Variants in NEGR1 observed in about 807,000 individuals in gnomAD.
NEGR1 encodes neuronal growth regulator 1.
NEGR1 carries 10 observed loss-of-function variants against 40.9 expected under a neutral mutation model. That is an observed-to-expected ratio of 0.24 (90% CI 0.15 to 0.42). The LOEUF (loss-of-function observed/expected upper bound fraction) is 0.42, where lower values mean the gene tolerates loss of function less well. NEGR1 is among the 10% of genes least tolerant of loss of function. The pLI, the probability that NEGR1 is intolerant of heterozygous loss-of-function variation, is 1.00. For missense variants in NEGR1, 352 were observed against 438.9 expected, an observed-to-expected ratio of 0.80 and a Z score of 1.77; for synonymous variants, 185 against 166.8, an observed-to-expected ratio of 1.11 and a Z score of -0.84.
At chr1:72,158,050 C>A (rs1304988771) in intron 1 of NEGR1, among the ~76,000 whole-genome samples, 1 of 152,082 alleles carries the variant, frequency 6.6e-6, no homozygotes, top group Non-Finnish European at 1.5e-5. Flanking sequence ...TAATACAGGT[C>A]TATATGGGAA....
At chr1:71,757,593 G>T (rs1194164922) in intron 3 of NEGR1, among the ~76,000 whole-genome samples, 1 of 151,984 alleles carries the variant, frequency 6.6e-6, no homozygotes, top group Non-Finnish European at 1.5e-5. Flanking sequence ...AGCACAGAAT[G>T]AAACCAGATA....
intron 6 of NEGR1, among the ~76,000 whole-genome samples, chr1:71,440,979 A>G (rs1646543238): frequency 6.6e-6 from 1 of 152,206 alleles, no homozygotes; most frequent in African/African-American, 2.4e-5. Context: ...AGGATAAAGC[A>G]ATCAATTAAA....
At chr1:72,182,804 G>A (rs964349851) in intron 1 of NEGR1, among the ~76,000 whole-genome samples, 2 of 143,584 alleles carry the variant, frequency 1.4e-5, no homozygotes, top group African/African-American at 5.2e-5. Context: ...ATATATGTTT[G>A]TATGTGTATA....
At chr1:71,689,573 T>A (rs1410682465) in intron 4 of NEGR1, among the ~76,000 whole-genome samples, 1 of 152,074 alleles carries the variant, frequency 6.6e-6, no homozygotes, top group Non-Finnish European at 1.5e-5. Flanking sequence ...GCTCATTGAT[T>A]TATAGGTAAA....
At chr1:71,736,468 G>T (rs1655044761) in intron 3 of NEGR1, among the ~76,000 whole-genome samples, 2 of 151,844 alleles carry the variant, frequency 1.3e-5, no homozygotes, top group African/African-American at 4.8e-5. Flanking sequence ...CCCTAAGTTC[G>T]AGCAGCAATC....
At chr1:71,613,643 G>A (rs1464886181) in intron 4 of NEGR1, among the ~76,000 whole-genome samples, 11 of 145,310 alleles carry the variant, frequency 7.6e-5, no homozygotes, top group African/African-American at 2.8e-4. Context: ...CAACCAAAGC[G>A]AAACTCCATC....
intron 1 of NEGR1, among the ~76,000 whole-genome samples, chr1:72,008,290 T>A: frequency 6.6e-6 from 1 of 152,094 alleles, no homozygotes; most frequent in Non-Finnish European, 1.5e-5. Context: ...GCAGCTCTAA[T>A]CCAGACATCT....
At chr1:72,266,440 A>G (rs1477715267) in intron 1 of NEGR1, among the ~76,000 whole-genome samples, 1 of 150,848 alleles carries the variant, frequency 6.6e-6, no homozygotes, top group East Asian at 1.9e-4. Context: ...ACTCATTTCT[A>G]CACACCAAGC....
chr1:72,103,746 G>A (rs1005167823), intron 1 of NEGR1, among the ~76,000 whole-genome samples: 1 of 151,862 alleles, frequency 6.6e-6, no homozygotes, highest in African/African-American at 2.4e-5. Flanking sequence ...CACTTTTCCT[G>A]CCGCCCTTCA....
At chr1:71,847,302 G>A (rs544504484) in intron 2 of NEGR1, among the ~76,000 whole-genome samples, 1 of 152,244 alleles carries the variant, frequency 6.6e-6, no homozygotes, top group African/African-American at 2.4e-5. Context: ...TTGAAATGCA[G>A]GCACACCTCA....
chr1:71,505,905 C>T (rs1433263668), intron 6 of NEGR1, among the ~76,000 whole-genome samples: 1 of 152,064 alleles, frequency 6.6e-6, no homozygotes, highest in Non-Finnish European at 1.5e-5. Context: ...TCAGAAACCA[C>T]TGTGAGCTTA....
chr1:71,965,112 G>C (rs1252688894), intron 1 of NEGR1, among the ~76,000 whole-genome samples: 3 of 152,098 alleles, frequency 2.0e-5, no homozygotes, highest in Non-Finnish European at 4.4e-5. Context: ...AAATAATCGA[G>C]GGTCACACAA....
chr1:71,593,502 A>G (rs1296140043), intron 5 of NEGR1, among the ~76,000 whole-genome samples: 2 of 152,326 alleles, frequency 1.3e-5, no homozygotes, highest in Non-Finnish European at 2.9e-5. Flanking sequence ...GATAACTTCC[A>G]TTAAACCTAA....
intron 1 of NEGR1, among the ~76,000 whole-genome samples, chr1:72,071,780 C>G (rs889189643): frequency 6.6e-6 from 1 of 152,002 alleles, no homozygotes; most frequent in African/African-American, 2.4e-5. Context: ...GTTGGAAACC[C>G]TAACCTTTTT....
At chr1:71,521,060 C>T (rs999785696) in intron 6 of NEGR1, among the ~76,000 whole-genome samples, 3 of 151,940 alleles carry the variant, frequency 2.0e-5, no homozygotes, top group South Asian at 4.1e-4. Context: ...ATTAGCAGCC[C>T]GTTAATTTGG....
intron 2 of NEGR1, among the ~76,000 whole-genome samples, chr1:71,929,648 A>T (rs1166496695): frequency 6.6e-6 from 1 of 150,916 alleles, no homozygotes; most frequent in African/African-American, 2.4e-5. Context: ...CTTGTTGAAA[A>T]TTTTGAAATT....
chr1:71,863,188 G>T (rs909241928), intron 2 of NEGR1, among the ~76,000 whole-genome samples: 1 of 152,076 alleles, frequency 6.6e-6, no homozygotes, highest in African/African-American at 2.4e-5. Flanking sequence ...GCAAAGACAT[G>T]GAATCACTCC....
intron 6 of NEGR1, among the ~76,000 whole-genome samples, chr1:71,509,056 G>A (rs1434501391): frequency 6.6e-6 from 1 of 152,106 alleles, no homozygotes; most frequent in African/African-American, 2.4e-5. Flanking sequence ...TAAAAATAAG[G>A]TAAAAGTGAA....
At chr1:71,750,289 G>C (rs916330680) in intron 3 of NEGR1, among the ~76,000 whole-genome samples, 1 of 152,100 alleles carries the variant, frequency 6.6e-6, no homozygotes, top group South Asian at 2.1e-4. Context: ...CACCGCGCCC[G>C]GCCCTGCTCC....
Sources: gnomAD v4.1 joint callset for allele counts (sites outside exome capture counted in the v4.1 genomes callset) on GRCh38, gnomAD v4.1.1 for gene constraint, MANE v1.5 for transcripts, NCBI Gene and HGNC (gene_info 2026-07-23, HGNC 2026-07-21) for gene names.